OSBPL3: variants seen among roughly 807,000 people sequenced by gnomAD.
OSBPL3 encodes oxysterol-binding protein-related protein 3.
In OSBPL3, 65 loss-of-function variants were observed where a neutral mutation model predicts 120.1. The ratio of observed to expected loss-of-function variants is 0.54; its 90% confidence interval spans 0.44 to 0.67. The LOEUF (loss-of-function observed/expected upper bound fraction) is 0.67. Ranked by LOEUF, OSBPL3 falls within the 30% of genes least tolerant of loss-of-function variation. The pLI, the probability that OSBPL3 is intolerant of heterozygous loss-of-function variation, is 0.00. For synonymous variants in OSBPL3, 416 were observed against 402.6 expected, an observed-to-expected ratio of 1.03 and a Z score of -0.40; for missense variants, 1,004 against 1,082.1, an observed-to-expected ratio of 0.93 and a Z score of 1.01.
At chr7:24,838,979 T>C (rs1456213766) in intron 14 of OSBPL3, among the ~76,000 whole-genome samples, 1 of 152,220 alleles carries the variant, frequency 6.6e-6, no homozygotes, top group Non-Finnish European at 1.5e-5. Flanking sequence ...ATCTTACTTC[T>C]AGCAGGTGTG....
rs540605043 is a variant in OSBPL3 at position 24,916,785 on chromosome 7, T to G, written c.-149-24164A>C. Among the ~76,000 whole-genome samples, 1 of 152,222 alleles carries G rather than the reference T, an allele frequency of 6.6e-6. No individual in the cohort carries two copies. The highest frequency in any genetic ancestry group is 1.9e-4 in the East Asian group (1 of 5,180). ...AGAAAAAAACGTGGTGCTTGGGTATTTTCACTAGAGATGTAAATGGAAACT... is the reference window on the plus strand; with the variant it reads ...AGAAAAAAACGTGGTGCTTGGGTATGTTCACTAGAGATGTAAATGGAAACT... On this transcript the variant is annotated intron_variant, in intron 1 of 22. Coordinates refer to ENST00000313367, the MANE Select transcript of OSBPL3 (RefSeq NM_015550.4). The surrounding 1 kb of genome is among the most constrained non-coding windows in gnomAD (Gnocchi z 4.9).
intron 1 of OSBPL3, chr7:24,906,388 G>T: frequency 3.8e-6 from 1 of 264,684 alleles, no homozygotes; most frequent in South Asian, 4.1e-5. Flanking sequence ...CCCTGCTGGG[G>T]AGAGGCAGAG....
rs1396259365 is a variant in OSBPL3 at position 24,939,762 on chromosome 7, T to C, written c.-150+40124A>G. 2.6e-5 allele frequency among the ~76,000 whole-genome samples: 4 copies of C among 152,170 alleles called. No homozygotes were observed. ...GAGGCCTTGGGAGACAGTGAAGATT[T>C]AGAATGGAATGACCCAGTTCAGTCA... On this transcript the variant is annotated intron_variant, in intron 1 of 22. Coordinates refer to ENST00000313367, the MANE Select transcript of OSBPL3 (RefSeq NM_015550.4). The surrounding 1 kb of genome is among the most constrained non-coding windows in gnomAD (Gnocchi z 4.2).
intron 1 of OSBPL3, among the ~76,000 whole-genome samples, chr7:24,979,406 G>A (rs1817953227): frequency 6.6e-6 from 1 of 152,172 alleles, no homozygotes; most frequent in Non-Finnish European, 1.5e-5. Flanking sequence ...GCCGGGGTTG[G>A]GAAGGCGGGC....
chr7:24,981,663 G>C (rs1220611150), upstream of OSBPL3: 1 of 152,706 alleles, frequency 6.5e-6, no homozygotes, highest in African/African-American at 2.4e-5. The surrounding 1 kb of genome is among the most constrained non-coding windows in gnomAD (Gnocchi z 7.3). Context: ...TCTGGCAGGC[G>C]GCGGGCGAGG....
At chr7:24,809,642 G>A (rs1027549681) in intron 20 of OSBPL3, among the ~76,000 whole-genome samples, 165 bp downstream of exon 20, 1 of 152,084 alleles carries the variant, frequency 6.6e-6, no homozygotes, top group African/African-American at 2.4e-5. Context: ...ATGACAGGGA[G>A]GTGAAGACTG....
At chr7:24,810,090 C>T (rs960438077) in intron 19 of OSBPL3, 139 bp from the exon 20 acceptor site, 23 of 842,860 alleles carry the variant, frequency 2.7e-5, no homozygotes, top group Admixed American at 4.7e-5. Context: ...TTCTGGGTTC[C>T]GTTTTTTTAA....
At chr7:24,876,731 G>A (rs916595789) in intron 2 of OSBPL3, among the ~76,000 whole-genome samples, 7 of 152,126 alleles carry the variant, frequency 4.6e-5, no homozygotes, top group Non-Finnish European at 8.8e-5. Context: ...ACTATCCAGT[G>A]GGGTCGGCTG....
At chr7:24,875,167 G>A (rs1333288009) in intron 2 of OSBPL3, among the ~76,000 whole-genome samples, 3 of 152,192 alleles carry the variant, frequency 2.0e-5, no homozygotes, top group South Asian at 2.1e-4. Context: ...ACCAAACTCT[G>A]TTTCACACAT....
intron 1 of OSBPL3, 66 bp downstream of exon 1, chr7:24,979,810 CAGCCCTTCCG>C: frequency 1.2e-6 from 1 of 851,436 alleles, no homozygotes; most frequent in African/African-American, 1.8e-5. Flanking sequence ...CCGCAAACAG[CAGCCCTTCCG>C]AGCCCGCGCC....
intron 16 of OSBPL3, among the ~76,000 whole-genome samples, chr7:24,826,308 C>T (rs970894884): frequency 7.2e-5 from 11 of 152,234 alleles, no homozygotes; most frequent in African/African-American, 2.4e-4. Flanking sequence ...GTGGAAGAGC[C>T]AGAGGGTCAG....
chr7:24,799,471 CT>C lies in OSBPL3; in HGVS notation c.*711del, dbSNP rs1792051463. 6.6e-6 allele frequency: 1 copy of C among 152,134 alleles called. No individual in the cohort carries two copies. The highest frequency in any genetic ancestry group is 2.1e-4 in the South Asian group (1 of 4,824). The allele number at this position is 152,134 out of a possible 1,614,324, so 9.4% of individuals were successfully genotyped here. A position where few individuals can be genotyped will look rare whatever the true frequency, so the allele number is the denominator to read the frequency against. The stretch of plus-strand genomic sequence containing the variant: ...TTGTGATATTTAATTAATTGGAATT[CT>C]TTTCTCTTATGAATAATTTCTCTGA... On this transcript the variant is annotated 3_prime_UTR_variant, in exon 23 of 23. Transcript: ENST00000313367. The surrounding 1 kb of genome is among the most constrained non-coding windows in gnomAD (Gnocchi z 5.3).
rs903138645 is a variant in OSBPL3 at position 24,851,506 on chromosome 7, A to G, written c.1158+998T>C. 4.6e-5 allele frequency among the ~76,000 whole-genome samples: 7 copies of G among 152,148 alleles called. No homozygotes were observed. Among genetic ancestry groups the G allele is most frequent in the African/African-American group, 1.7e-4 (7 of 41,434 alleles). ...CGATAAATAGAAAATATGAATCAAC[A>G]TTTTCTAGTTCTCTCAATGCCTGTG... On this transcript the variant is annotated intron_variant, in intron 11 of 22. Transcript: ENST00000313367. This position sits in a 1 kb window ranked among gnomAD's most constrained non-coding sequence, Gnocchi z 4.1.
chr7:24,892,627 A>G lies in OSBPL3; in HGVS notation c.-149-6T>C. 7.4e-7 allele frequency: 1 copy of G among 1,355,248 alleles called. No individual in the cohort carries two copies. The highest frequency in any genetic ancestry group is 1.4e-5 in the African/African-American group (1 of 69,020). The allele number at this position is 1,355,248 out of a possible 1,614,324, so 84.0% of individuals were successfully genotyped here. On this transcript the variant is annotated splice_region_variant and splice_polypyrimidine_tract_variant and intron_variant, in intron 1 of 22. Coordinates refer to ENST00000313367, the MANE Select transcript of OSBPL3 (RefSeq NM_015550.4). Reference sequence around the variant, plus strand: ...CCCAAAGGAAACCCTAAAACCTAAAAAAGAGAAATTAGAAAGAAGGTCAGA... The same window carrying G: ...CCCAAAGGAAACCCTAAAACCTAAAGAAGAGAAATTAGAAAGAAGGTCAGA...
chr7:24,959,097 A>C lies in OSBPL3; in HGVS notation c.-150+20789T>G, dbSNP rs1049993015. 6.6e-6 allele frequency among the ~76,000 whole-genome samples: 1 copy of C among 152,208 alleles called. No individual in the cohort carries two copies. The highest frequency in any genetic ancestry group is 2.4e-5 in the African/African-American group (1 of 41,458). Reference sequence around the variant, plus strand: ...AAGAAAAGAACAAGTACAGATGTAGAGCAACTAGAACTATCATAAACTGCT... The same window carrying C: ...AAGAAAAGAACAAGTACAGATGTAGCGCAACTAGAACTATCATAAACTGCT... On this transcript the variant is annotated intron_variant, in intron 1 of 22. Coordinates refer to ENST00000313367, the MANE Select transcript of OSBPL3 (RefSeq NM_015550.4). This position sits in a 1 kb window ranked among gnomAD's most constrained non-coding sequence, Gnocchi z 4.3.
At chr7:24,929,170 T>C (rs1811472436) in intron 1 of OSBPL3, among the ~76,000 whole-genome samples, 2 of 152,222 alleles carry the variant, frequency 1.3e-5, no homozygotes, top group African/African-American at 4.8e-5. Flanking sequence ...TTTTACATTT[T>C]AGTCATGCTG....
rs919648501 is a variant in OSBPL3 at position 24,802,531 on chromosome 7, C to G, written c.2567+1784G>C. On this transcript the variant is annotated intron_variant, in intron 22 of 22. Transcript: ENST00000313367. The surrounding 1 kb of genome is among the most constrained non-coding windows in gnomAD (Gnocchi z 4.1). ...CACAATTCCTTCCTGATTGCAATGACAGCATAATCACATTCTGTATCTTGC... is the reference window on the plus strand; with the variant it reads ...CACAATTCCTTCCTGATTGCAATGAGAGCATAATCACATTCTGTATCTTGC... Among the ~76,000 whole-genome samples the G allele has an allele frequency of 3.9e-5, 6 of 152,224 alleles. No homozygotes were observed. In the South Asian group the frequency reaches 1.0e-3, roughly 26 times the overall value.
chr7:24,946,860 T>C lies in OSBPL3; in HGVS notation c.-150+33026A>G, dbSNP rs1460445780. 6.6e-6 allele frequency among the ~76,000 whole-genome samples: 1 copy of C among 152,242 alleles called. No individual in the cohort carries two copies. The highest frequency in any genetic ancestry group is 1.5e-5 in the Non-Finnish European group (1 of 68,032). On this transcript the variant is annotated intron_variant, in intron 1 of 22. Transcript: ENST00000313367. This position sits in a 1 kb window ranked among gnomAD's most constrained non-coding sequence, Gnocchi z 4.3. ...GAGAGAGAGAAATTGACTCCATCTA[T>C]ATCATCTGCTTTGTGAGGATAAGAA...
At chr7:24,864,981 A>G (rs1322072846) in intron 7 of OSBPL3, among the ~76,000 whole-genome samples, 1 of 152,178 alleles carries the variant, frequency 6.6e-6, no homozygotes, top group African/African-American at 2.4e-5. Flanking sequence ...TACATCGTGA[A>G]GATCTCCATC....
Sources: allele counts gnomAD v4.1 joint callset (sites outside exome capture counted in the v4.1 genomes callset), GRCh38; gene constraint gnomAD v4.1.1; non-coding constraint Gnocchi (gnomAD v3.1); transcripts MANE v1.5; gene names NCBI Gene and HGNC (gene_info 2026-07-23, HGNC 2026-07-21).